Variants in NTM observed in about 807,000 individuals in gnomAD.
NTM encodes neurotrimin.
NTM carries 13 observed loss-of-function variants against 42.1 expected under a neutral mutation model. That is an observed-to-expected ratio of 0.31 (90% CI 0.20 to 0.49). The LOEUF (loss-of-function observed/expected upper bound fraction) is 0.49. Ranked by LOEUF, NTM falls within the 20% of genes least tolerant of loss-of-function variation. The pLI is 0.99. For synonymous variants in NTM, 187 were observed against 179.2 expected (o/e 1.04, Z -0.35); for missense variants, 373 against 452.8 (o/e 0.82, Z 1.60).
intron 1 of NTM, among the ~76,000 whole-genome samples, chr11:131,803,002 T>A (rs1045607725): frequency 1.3e-5 from 2 of 152,204 alleles, no homozygotes; most frequent in Admixed American, 6.5e-5. Context: ...CTGAAAGGAC[T>A]ATAGGCATCA....
chr11:131,461,320 C>T (rs1223749595), intron 1 of NTM, among the ~76,000 whole-genome samples: 1 of 152,156 alleles, frequency 6.6e-6, no homozygotes, highest in Non-Finnish European at 1.5e-5. Context: ...ACAGAAATCT[C>T]AGAAAAGCAT....
chr11:131,450,548 G>A (rs115171092), intron 1 of NTM, among the ~76,000 whole-genome samples: 1,606 of 152,228 alleles, frequency 0.011, 26 homozygotes, highest in African/African-American at 0.037. Context: ...GGGCTGCTTG[G>A]CCAACCATGT....
chr11:132,174,608 A>G (rs2137908420), intron 3 of NTM, among the ~76,000 whole-genome samples: 1 of 152,300 alleles, frequency 6.6e-6, no homozygotes, highest in East Asian at 1.9e-4. Context: ...CTCTTTGTGC[A>G]GCCATTCTCT....
chr11:131,592,647 AACACACACACAC>A (rs3040142), intron 1 of NTM, among the ~76,000 whole-genome samples: 78 of 140,776 alleles, frequency 5.5e-4, no homozygotes, highest in Middle Eastern at 3.6e-3. Context: ...ACACACCCCA[AACACACACACAC>A]ACACACACAC....
At chr11:132,034,812 A>G (rs1424898619) in intron 2 of NTM, among the ~76,000 whole-genome samples, 1 of 152,190 alleles carries the variant, frequency 6.6e-6, no homozygotes. Context: ...TGTTCCATTG[A>G]TGACCACAGT....
At chr11:131,613,462 G>C (rs1225716603) in intron 1 of NTM, among the ~76,000 whole-genome samples, 2 of 152,154 alleles carry the variant, frequency 1.3e-5, no homozygotes, top group Non-Finnish European at 2.9e-5. Context: ...GGCTCCTGGG[G>C]ACAAGCTGTC....
At chr11:131,908,785 A>G (rs2054244412) in intron 1 of NTM, among the ~76,000 whole-genome samples, 1 of 152,222 alleles carries the variant, frequency 6.6e-6, no homozygotes, top group South Asian at 2.1e-4. Flanking sequence ...TGTTTCCACA[A>G]TTGCCCGTTG....
chr11:132,048,483 T>A (rs1460393031), intron 2 of NTM, among the ~76,000 whole-genome samples: 2 of 152,224 alleles, frequency 1.3e-5, no homozygotes, highest in Non-Finnish European at 2.9e-5. Flanking sequence ...AAGCTTTTCT[T>A]GTGTTCACCT....
intron 1 of NTM, among the ~76,000 whole-genome samples, chr11:131,574,469 G>C (rs1029594994): frequency 1.3e-5 from 2 of 152,204 alleles, no homozygotes; most frequent in African/African-American, 4.8e-5. Flanking sequence ...TGCAGTGTGT[G>C]AGGGGCTTTC....
intron 2 of NTM, among the ~76,000 whole-genome samples, chr11:132,129,702 C>T (rs752585975): frequency 9.8e-5 from 15 of 152,334 alleles, no homozygotes; most frequent in Non-Finnish European, 2.1e-4. Context: ...AGTGCACACA[C>T]AGAATATCTG....
At chr11:131,405,073 T>G (rs140329625) in intron 1 of NTM, among the ~76,000 whole-genome samples, 171 of 152,304 alleles carry the variant, frequency 1.1e-3, no homozygotes, top group African/African-American at 2.9e-3. Context: ...ATTTTTTTGT[T>G]GAGACACATG....
At chr11:132,299,852 T>C (rs1299933536) in intron 4 of NTM, among the ~76,000 whole-genome samples, 1 of 152,184 alleles carries the variant, frequency 6.6e-6, no homozygotes, top group Non-Finnish European at 1.5e-5. Context: ...CCGCCAGCCA[T>C]GCTACCTGTA....
intron 2 of NTM, among the ~76,000 whole-genome samples, chr11:132,081,364 G>A (rs1293087153): frequency 6.6e-6 from 1 of 152,172 alleles, no homozygotes; most frequent in African/African-American, 2.4e-5. Context: ...GTGGGTTCCA[G>A]TAGTGATGTA....
At chr11:131,514,301 A>G (rs989027067) in intron 1 of NTM, among the ~76,000 whole-genome samples, 4 of 152,170 alleles carry the variant, frequency 2.6e-5, no homozygotes, top group Admixed American at 6.5e-5. Context: ...TCTACTTGAT[A>G]GTGTTGTAAA....
intron 3 of NTM, among the ~76,000 whole-genome samples, chr11:132,154,163 G>T (rs1419499232): frequency 2.6e-5 from 4 of 152,176 alleles, no homozygotes; most frequent in Non-Finnish European, 5.9e-5. Flanking sequence ...CTCAGTTTCA[G>T]GTGGAACCAG....
chr11:132,253,587 T>C (rs1301721021), intron 4 of NTM, among the ~76,000 whole-genome samples: 1 of 152,234 alleles, frequency 6.6e-6, no homozygotes, highest in Non-Finnish European at 1.5e-5. Flanking sequence ...TCCTATTGTT[T>C]ATTTTTCCCC....
chr11:131,596,343 G>GGA (rs1253511844), intron 1 of NTM, among the ~76,000 whole-genome samples: 1 of 152,186 alleles, frequency 6.6e-6, no homozygotes, highest in Non-Finnish European at 1.5e-5. Flanking sequence ...AATATTTTAG[G>GGA]CTTTGGGGAC....
intron 1 of NTM, among the ~76,000 whole-genome samples, chr11:131,394,724 A>G (rs556564083): frequency 6.6e-6 from 1 of 152,228 alleles, no homozygotes; most frequent in East Asian, 1.9e-4. Flanking sequence ...ACATCCATCT[A>G]CTGAGAGGCC....
chr11:131,437,038 T>C (rs1949193329), intron 1 of NTM, among the ~76,000 whole-genome samples: 1 of 152,206 alleles, frequency 6.6e-6, no homozygotes. Context: ...ATTTCGTTAT[T>C]TTACACAGTA....
Sources: allele counts gnomAD v4.1 joint callset (sites outside exome capture counted in the v4.1 genomes callset), GRCh38; gene constraint gnomAD v4.1.1; transcripts MANE v1.5; gene names NCBI Gene and HGNC (gene_info 2026-07-23, HGNC 2026-07-21).